FAM228A: variants seen among roughly 807,000 people sequenced by gnomAD.
The protein encoded by FAM228A is family with sequence similarity 228 member A.
In FAM228A, 13 loss-of-function variants were observed where a neutral mutation model predicts 18.6. That is an observed-to-expected ratio of 0.70 (90% CI 0.45 to 1.11). The LOEUF (loss-of-function observed/expected upper bound fraction) is 1.11, where lower values mean the gene tolerates loss of function less well. FAM228A is among the 50% of genes least tolerant of loss of function. FAM228A has a pLI of 0.00. For synonymous variants in FAM228A, 77 were observed against 86.6 expected (o/e 0.89, Z 0.61); for missense variants, 240 against 242.2 (o/e 0.99, Z 0.06).
Position 24,190,851 on chromosome 2 carries a change from T to G in FAM228A, c.*220T>G. On this transcript the variant is annotated 3_prime_UTR_variant, in exon 6 of 6. Transcript: ENST00000295150. ...CCCACTTTCCGGAGACATCCTGTCC[T>G]TCCGAGGTGAGGGCCAACCTGGCCA... is the stretch of plus-strand genomic sequence containing the variant. 8.1e-7 allele frequency: 1 copy of G among 1,241,204 alleles called. No individual in the cohort carries two copies. Among genetic ancestry groups the G allele is most frequent in the Non-Finnish European group, 1.0e-6 (1 of 989,848 alleles). The allele number at this position is 1,241,204 out of a possible 1,614,324, so 76.9% of individuals were successfully genotyped here. A position where few individuals can be genotyped will look rare whatever the true frequency, so the allele number is the denominator to read the frequency against.
rs773822316 is a variant in FAM228A, at chr2:24,177,787, A to G, written c.94-15A>G. 1.0e-5 allele frequency: 15 copies of G among 1,443,926 alleles called. No homozygotes were observed. The highest frequency in any genetic ancestry group is 1.5e-5 in the Non-Finnish European group (15 of 1,029,546). 89.4% of individuals were successfully genotyped at this position (1,443,926 alleles called of 1,614,324 possible). ...TTCAGGATTCACATCTTAATATTCAATTCTGTAATTTTAGGTATTAGCTAG... is the reference window on the plus strand; with the variant it reads ...TTCAGGATTCACATCTTAATATTCAGTTCTGTAATTTTAGGTATTAGCTAG... On this transcript the variant is annotated splice_polypyrimidine_tract_variant and intron_variant, in intron 2 of 5. Coordinates refer to ENST00000295150, the MANE Select transcript of FAM228A (RefSeq NM_001040710.3).
intron 3 of FAM228A, among the ~76,000 whole-genome samples, chr2:24,183,049 G>A (rs1367307709): frequency 6.6e-6 from 1 of 152,072 alleles, no homozygotes; most frequent in Admixed American, 6.6e-5. Flanking sequence ...ATACAGGTTT[G>A]TTACACGGGT....
chr2:24,183,931 A>G (rs1667877550), intron 5 of FAM228A, among the ~76,000 whole-genome samples: 1 of 152,132 alleles, frequency 6.6e-6, no homozygotes, highest in African/African-American at 2.4e-5. Context: ...TCACTTTATA[A>G]GTGTTCACCT....
At chr2:24,175,848 T>C in intron 2 of FAM228A, 1 of 1,181,862 alleles carries the variant, frequency 8.5e-7, no homozygotes, top group Non-Finnish European at 1.1e-6. Context: ...GGTCTGGGCT[T>C]GCCAGTCAAT....
chr2:24,187,631 T>C (rs1667981228), intron 5 of FAM228A, among the ~76,000 whole-genome samples: 1 of 152,232 alleles, frequency 6.6e-6, no homozygotes, highest in African/African-American at 2.4e-5. Context: ...TTTTTTTAGC[T>C]GTATCCATTG....
intron 5 of FAM228A, among the ~76,000 whole-genome samples, chr2:24,188,026 C>G (rs544691969): frequency 2.1e-5 from 3 of 144,970 alleles, no homozygotes; most frequent in Non-Finnish European, 4.7e-5. Context: ...CTCTTTGTTC[C>G]CTCTGCCATA....
chr2:24,178,310 A>G (rs922309205), intron 3 of FAM228A, among the ~76,000 whole-genome samples: 1 of 152,218 alleles, frequency 6.6e-6, no homozygotes, highest in African/African-American at 2.4e-5. Flanking sequence ...AGACGGAGTT[A>G]TAATAATACT....
rs1337882938 is a variant in FAM228A at position 24,175,492 on chromosome 2, C to A, written c.12C>A (p.Thr4=). ...GGATTCTCCTGTCCATGGCTGCCAC[C>A]AAAACTGCGAGTTATGATGAACATT... MAA[T]KTASYDEHFR... Residue 4 remains threonine, a synonymous_variant, in exon 2 of 6, where the codon ACC becomes ACA. Coordinates refer to ENST00000295150, the MANE Select transcript of FAM228A (RefSeq NM_001040710.3). 1 of 1,613,996 alleles carries A rather than the reference C, an allele frequency of 6.2e-7. No individual in the cohort carries two copies. Among genetic ancestry groups the A allele is most frequent in the Non-Finnish European group, 8.5e-7 (1 of 1,179,968 alleles).
At chr2:24,187,889 A>C (rs1041220678) in intron 5 of FAM228A, among the ~76,000 whole-genome samples, 2 of 151,714 alleles carry the variant, frequency 1.3e-5, no homozygotes, top group Non-Finnish European at 2.9e-5. Context: ...ATTGTCTTTG[A>C]TTTTTTGTAG....
intron 2 of FAM228A, chr2:24,175,966 T>C: frequency 9.8e-7 from 1 of 1,023,186 alleles, no homozygotes; most frequent in Non-Finnish European, 1.2e-6. Context: ...TCCTTTCTTT[T>C]TCCCCTTTTG....
intron 3 of FAM228A, chr2:24,179,230 A>C: frequency 1.0e-6 from 1 of 955,476 alleles, no homozygotes; most frequent in Non-Finnish European, 1.3e-6. Flanking sequence ...TGGAAAAAGT[A>C]ATTTCATATA....
chr2:24,177,904 G>T (rs771361828), intron 3 of FAM228A, 34 bp downstream of exon 3: 1 of 1,380,306 alleles, frequency 7.2e-7, no homozygotes, highest in African/African-American at 1.4e-5. Context: ...TTCTACATAT[G>T]TTCTAGGGGA....
At chr2:24,187,437 C>T (rs927724295) in intron 5 of FAM228A, among the ~76,000 whole-genome samples, 2 of 152,172 alleles carry the variant, frequency 1.3e-5, no homozygotes, top group Non-Finnish European at 2.9e-5. Context: ...ACATTATCAC[C>T]CAAAGTTCAT....
In FAM228A at chr2:24,188,525, G is replaced by C. The variant is rs547120198; in HGVS notation, c.402-1887G>C. On this transcript the variant is annotated intron_variant, in intron 5 of 5. Coordinates refer to ENST00000295150, the MANE Select transcript of FAM228A (RefSeq NM_001040710.3). ...CATTGCTTGACTTGCCTCTTAGCGG[G>C]AGGGTGATGTTGAGAACAAGGTTAA... The C allele has an allele frequency of 3.2e-5, 32 of 985,410 alleles. No homozygotes were observed. The South Asian group carries it at 1.3e-3, about 41-fold the overall frequency. The allele number at this position is 985,410 out of a possible 1,614,324, so 61.0% of individuals were successfully genotyped here. A position where few individuals can be genotyped will look rare whatever the true frequency, so the allele number is the denominator to read the frequency against.
At chr2:24,189,474 G>A (rs1459090921) in intron 5 of FAM228A, among the ~76,000 whole-genome samples, 1 of 151,972 alleles carries the variant, frequency 6.6e-6, no homozygotes, top group East Asian at 1.9e-4. Flanking sequence ...GTTATCACAG[G>A]GACACAGAAC....
intron 5 of FAM228A, among the ~76,000 whole-genome samples, chr2:24,186,469 T>A (rs1301549802): frequency 6.6e-6 from 1 of 152,098 alleles, no homozygotes; most frequent in Non-Finnish European, 1.5e-5. Flanking sequence ...AAGCTTTTGG[T>A]GTTTTTTGTG....
chr2:24,177,736 T>TAC lies in FAM228A; in HGVS notation c.94-66_94-65insAC, dbSNP rs1342316075. ...CACTAAAACTATTGGTAAAGTACAC[T>TAC]GAGTTTTGTCATTGTAGTTTGTTTC... is the stretch of plus-strand genomic sequence containing the variant. On this transcript the variant is annotated intron_variant, in intron 2 of 5. Transcript: ENST00000295150. 1.0e-4 allele frequency: 94 copies of TAC among 898,328 alleles called. No individual in the cohort carries two copies. In the African/African-American group the frequency reaches 1.5e-3, roughly 14 times the overall value. The allele number at this position is 898,328 out of a possible 1,614,324, so 55.6% of individuals were successfully genotyped here.
At chr2:24,179,958 C>T (rs1667777136) in intron 3 of FAM228A, among the ~76,000 whole-genome samples, 1 of 152,194 alleles carries the variant, frequency 6.6e-6, no homozygotes. Flanking sequence ...CTTAGCCAAC[C>T]AGTAGGTATT....
chr2:24,191,156 A>G lies in FAM228A; in HGVS notation c.*525A>G. 5 of 985,592 alleles carry G rather than the reference A, an allele frequency of 5.1e-6. No individual in the cohort carries two copies. Among genetic ancestry groups the G allele is most frequent in the Non-Finnish European group, 6.0e-6 (5 of 830,064 alleles). 61.1% of individuals were successfully genotyped at this position (985,592 alleles called of 1,614,324 possible). ...TCATGGTTCATTTGACACAGTTTTC[A>G]GCTCCTGGTCTATTTCCCCTTCCAT... is the stretch of plus-strand genomic sequence containing the variant. On this transcript the variant is annotated 3_prime_UTR_variant, in exon 6 of 6. Coordinates refer to ENST00000295150, the MANE Select transcript of FAM228A (RefSeq NM_001040710.3).
Sources: gnomAD v4.1 joint callset for allele counts (sites outside exome capture counted in the v4.1 genomes callset) on GRCh38, gnomAD v4.1.1 for gene constraint, MANE v1.5 for transcripts, NCBI Gene and HGNC (gene_info 2026-07-23, HGNC 2026-07-21) for gene names.